RELN: variants seen among roughly 807,000 people sequenced by gnomAD.
RELN encodes the protein reelin.
RELN carries 108 observed loss-of-function variants against 427.6 expected under a neutral mutation model. That is an observed-to-expected ratio of 0.25 (90% CI 0.22 to 0.30). The LOEUF is 0.30. Ranked by LOEUF, RELN falls within the 10% of genes least tolerant of loss-of-function variation. The pLI, the probability that RELN is intolerant of heterozygous loss-of-function variation, is 1.00. For missense variants in RELN, 3,715 were observed against 4,302.8 expected (o/e 0.86, Z 3.82); for synonymous variants, 1,524 against 1,513.4 (o/e 1.01, Z -0.16).
At chr7:103,587,986 C>G (rs548582075) in intron 28 of RELN, among the ~76,000 whole-genome samples, 4 of 152,222 alleles carry the variant, frequency 2.6e-5, no homozygotes, top group Admixed American at 6.5e-5. Flanking sequence ...GGAGATTTCT[C>G]AAAACACTAA....
rs534701440 is a variant in RELN, at chr7:103,954,291, C to T, written c.226+34840G>A. Among the ~76,000 whole-genome samples the T allele has an allele frequency of 8.9e-4, 135 of 152,128 alleles. 3 individuals are homozygous for T. The South Asian group carries it at 0.027, about 30-fold the overall frequency. On this transcript the variant is annotated intron_variant, in intron 1 of 64. Coordinates refer to ENST00000428762, the MANE Select transcript of RELN (RefSeq NM_005045.4). ...AACAAACAAACAAACTTACCAGCCT[C>T]GTGTAATTCATATCCTGCTTCTGTC...
At chr7:103,829,122 A>C (rs1431716250) in intron 3 of RELN, among the ~76,000 whole-genome samples, 1 of 152,018 alleles carries the variant, frequency 6.6e-6, no homozygotes, top group Non-Finnish European at 1.5e-5. Context: ...TTACAGAATC[A>C]CTGAGAATTA....
chr7:103,659,194 A>G (rs544312328), intron 12 of RELN, among the ~76,000 whole-genome samples: 1 of 151,976 alleles, frequency 6.6e-6, no homozygotes, highest in South Asian at 2.1e-4. Context: ...TCTTATACAT[A>G]TATTTCTTTT....
At chr7:103,864,521 T>C (rs1794147790) in intron 2 of RELN, among the ~76,000 whole-genome samples, 1 of 152,206 alleles carries the variant, frequency 6.6e-6, no homozygotes, top group Non-Finnish European at 1.5e-5. Context: ...TTTTAGATCC[T>C]GCACAGAAGT....
chr7:103,702,884 A>G (rs543950066), intron 8 of RELN, among the ~76,000 whole-genome samples: 67 of 152,308 alleles, frequency 4.4e-4, no homozygotes, highest in African/African-American at 1.6e-3. Context: ...CTCTGTGCTT[A>G]TAACAATTCC....
In RELN at chr7:103,510,975, C is replaced by T; in HGVS notation, c.8150G>A (p.Cys2717Tyr). 6.2e-7 allele frequency: 1 copy of T among 1,613,524 alleles called. No individual in the cohort carries two copies. Among genetic ancestry groups the T allele is most frequent in the Non-Finnish European group, 8.5e-7 (1 of 1,179,580 alleles). Residue 2717 changes from cysteine to tyrosine, a missense_variant, in exon 51 of 65, where the codon TGT (cysteine) becomes TAT (tyrosine). By Grantham distance (194) the Cys-to-Tyr change is radical. Transcript: ENST00000428762. ...GGAGTCACAGAATCTTTCTACTGTACAATCATCATGGAATAGCCAGTGCTC... is the reference window on the plus strand; with the variant it reads ...GGAGTCACAGAATCTTTCTACTGTATAATCATCATGGAATAGCCAGTGCTC... ...VNEHWLFHDD[C>Y]TVERFCDSPD...
Position 103,563,527 on chromosome 7 carries a change from G to T in RELN, c.5211-1574C>A, listed in dbSNP as rs1389868673. The stretch of plus-strand genomic sequence containing the variant: ...CAAGAGTCCAAAAGTTTTAAAAAAA[G>T]TTTATATAATGGAAAAGTTATAGTA... On this transcript the variant is annotated intron_variant, in intron 34 of 64. Coordinates refer to ENST00000428762, the MANE Select transcript of RELN (RefSeq NM_005045.4). This position sits in a 1 kb window ranked among gnomAD's most constrained non-coding sequence, Gnocchi z 4.1. Among the ~76,000 whole-genome samples the T allele has an allele frequency of 2.6e-5, 4 of 152,174 alleles. No individual in the cohort carries two copies. The highest frequency in any genetic ancestry group is 1.3e-4 in the Admixed American group (2 of 15,276).
At chr7:103,474,162 T>C (rs1303961896) in intron 64 of RELN, among the ~76,000 whole-genome samples, 2 of 152,184 alleles carry the variant, frequency 1.3e-5, no homozygotes, top group Admixed American at 6.5e-5. Context: ...TAAAACAAGA[T>C]AATTTCACAG....
intron 1 of RELN, among the ~76,000 whole-genome samples, chr7:103,941,608 A>G (rs1324409625): frequency 6.6e-6 from 1 of 152,218 alleles, no homozygotes; most frequent in East Asian, 1.9e-4. Flanking sequence ...AAAATTTTGA[A>G]AAAAATTTTA....
In RELN at chr7:103,573,839, T is replaced by C. The variant is rs1830935864; in HGVS notation, c.4511+253A>G. ...CATAATAATATCAAACTTCAGAAAA[T>C]CAAGCTGGCATACCCTAGACACACA... On this transcript the variant is annotated intron_variant, in intron 30 of 64. Coordinates refer to ENST00000428762, the MANE Select transcript of RELN (RefSeq NM_005045.4). This position sits in a 1 kb window ranked among gnomAD's most constrained non-coding sequence, Gnocchi z 4.4. 6.6e-6 allele frequency among the ~76,000 whole-genome samples: 1 copy of C among 152,158 alleles called. No individual in the cohort carries two copies. Among genetic ancestry groups the C allele is most frequent in the Non-Finnish European group, 1.5e-5 (1 of 68,038 alleles).
At chr7:103,510,416 T>TTG (rs1829367605) in intron 51 of RELN, among the ~76,000 whole-genome samples, 1 of 152,152 alleles carries the variant, frequency 6.6e-6, no homozygotes, top group African/African-American at 2.4e-5. Context: ...ATGTTCTCAC[T>TTG]CATAGGTGGG....
In RELN at chr7:103,631,985, T is replaced by C. The variant is rs149086683; in HGVS notation, c.2466-1809A>G. On this transcript the variant is annotated intron_variant, in intron 19 of 64. Coordinates refer to ENST00000428762, the MANE Select transcript of RELN (RefSeq NM_005045.4). The stretch of plus-strand genomic sequence containing the variant: ...ATTTTTTAACATAACAATTGAAAAC[T>C]AGAATTTCCTAAGCAACTTTTAAGG... 5.6e-3 allele frequency among the ~76,000 whole-genome samples: 856 copies of C among 152,302 alleles called. 13 individuals are homozygous for C. Among genetic ancestry groups the C allele is most frequent in the African/African-American group, 0.02 (827 of 41,576 alleles).
chr7:103,716,834 A>C (rs1159297677), intron 8 of RELN, among the ~76,000 whole-genome samples: 1 of 152,154 alleles, frequency 6.6e-6, no homozygotes. Context: ...AATTCAGAGC[A>C]AGTGGGGTTT....
Position 103,794,027 on chromosome 7 carries a change from A to G in RELN, c.474-17400T>C, listed in dbSNP as rs753007265. Reference sequence around the variant, plus strand: ...AGTGATCCACCTGCCTCAGCCTCCCAAAGTGCTGCAATTACAAGCATGAGC... The same window carrying G: ...AGTGATCCACCTGCCTCAGCCTCCCGAAGTGCTGCAATTACAAGCATGAGC... On this transcript the variant is annotated intron_variant, in intron 3 of 64. Coordinates refer to ENST00000428762, the MANE Select transcript of RELN (RefSeq NM_005045.4). Among the ~76,000 whole-genome samples the G allele has an allele frequency of 8.0e-4, 122 of 152,274 alleles. 1 individual carries two copies. Among genetic ancestry groups the G allele is most frequent in the Non-Finnish European group, 3.4e-4 (23 of 68,018 alleles).
At position 103,706,587 on chromosome 7, in the gene RELN, T is replaced by A. The variant is rs145573324; in HGVS notation, c.806-5581A>T. 9.7e-4 allele frequency among the ~76,000 whole-genome samples: 147 copies of A among 152,258 alleles called. 1 individual carries two copies. Among genetic ancestry groups the A allele is most frequent in the African/African-American group, 3.5e-3 (144 of 41,554 alleles). On this transcript the variant is annotated intron_variant, in intron 8 of 64. Transcript: ENST00000428762. Reference sequence around the variant, plus strand: ...GTAGATATAAACCCATGCTTTCGACTTCTTCACTATACTTCTCCTGGTGTA... The same window carrying A: ...GTAGATATAAACCCATGCTTTCGACATCTTCACTATACTTCTCCTGGTGTA...
At chr7:103,906,928 T>C (rs951537278) in intron 2 of RELN, among the ~76,000 whole-genome samples, 1 of 152,166 alleles carries the variant, frequency 6.6e-6, no homozygotes, top group Non-Finnish European at 1.5e-5. Context: ...GTGGTGGTCT[T>C]ATTTCTTTGT....
chr7:103,516,198 T>C (rs950537752), intron 49 of RELN, among the ~76,000 whole-genome samples: 23 of 151,962 alleles, frequency 1.5e-4, no homozygotes, highest in African/African-American at 5.1e-4. Flanking sequence ...CCCAGGAACA[T>C]ATCAACCTCT....
At chr7:103,722,338 T>C (rs1308904735) in intron 8 of RELN, among the ~76,000 whole-genome samples, 1 of 152,098 alleles carries the variant, frequency 6.6e-6, no homozygotes, top group South Asian at 2.1e-4. Flanking sequence ...CCTTCTAAGA[T>C]ATGGAAGCGA....
At chr7:103,859,593 A>T (rs1794025242) in intron 2 of RELN, among the ~76,000 whole-genome samples, 1 of 152,300 alleles carries the variant, frequency 6.6e-6, no homozygotes, top group East Asian at 1.9e-4. Flanking sequence ...GCACCCGGCC[A>T]AAGGTTTCAT....
Sources: gnomAD v4.1 joint callset for allele counts (sites outside exome capture counted in the v4.1 genomes callset) on GRCh38, gnomAD v4.1.1 for gene constraint, Gnocchi (gnomAD v3.1) non-coding constraint, MANE v1.5 for transcripts, NCBI Gene and HGNC (gene_info 2026-07-23, HGNC 2026-07-21) for gene names.